Variants in DLG2 observed in about 807,000 individuals in gnomAD.
The protein encoded by DLG2 is discs large MAGUK scaffold protein 2, also known as disks large homolog 2.
Under a neutral mutation model 132.5 loss-of-function variants are expected in DLG2, and 45 were observed. The observed-to-expected ratio is 0.34, with a 90% CI of 0.27 to 0.44. The LOEUF (loss-of-function observed/expected upper bound fraction) is 0.44. DLG2 is among the 20% of genes least tolerant of loss of function. The pLI is 1.00. For synonymous variants in DLG2, 424 were observed against 419.6 expected (o/e 1.01, Z -0.13); for missense variants, 1,045 against 1,196.9 (o/e 0.87, Z 1.87).
intron 6 of DLG2, among the ~76,000 whole-genome samples, chr11:84,802,003 T>C (rs932871908): frequency 2.0e-5 from 3 of 152,144 alleles, no homozygotes; most frequent in African/African-American, 7.2e-5. Context: ...CTTTTTAAGT[T>C]TATAATGCTC....
chr11:83,609,248 T>C (rs959529130), intron 19 of DLG2, among the ~76,000 whole-genome samples: 1 of 152,236 alleles, frequency 6.6e-6, no homozygotes, highest in Non-Finnish European at 1.5e-5. Flanking sequence ...CTTTTAACCC[T>C]AGACATGCCC....
chr11:84,044,350 C>T lies in DLG2; in HGVS notation c.919+14965G>A, dbSNP rs139265906. 7.2e-5 allele frequency among the ~76,000 whole-genome samples: 11 copies of T among 151,902 alleles called. No individual in the cohort carries two copies. In the East Asian group the frequency reaches 1.9e-3, roughly 27 times the overall value. Reference sequence around the variant, plus strand: ...AGAGTTACTAAATTCTTTCATCCTGCTCATGATTGGGCAGCTCAATTGGAC... The same window carrying T: ...AGAGTTACTAAATTCTTTCATCCTGTTCATGATTGGGCAGCTCAATTGGAC... On this transcript the variant is annotated intron_variant, in intron 11 of 27. Coordinates refer to ENST00000376104, the MANE Select transcript of DLG2 (RefSeq NM_001142699.3).
chr11:84,089,246 C>A (rs2154167455), intron 10 of DLG2, among the ~76,000 whole-genome samples: 1 of 152,236 alleles, frequency 6.6e-6, no homozygotes, highest in African/African-American at 2.4e-5. Context: ...GAAGTTACTC[C>A]CTTTCCTCTG....
In DLG2 at chr11:84,025,651, G is replaced by A. The variant is rs77731739; in HGVS notation, c.919+33664C>T. 4.9e-3 allele frequency among the ~76,000 whole-genome samples: 744 copies of A among 152,078 alleles called. 3 individuals carry two copies. The highest frequency in any genetic ancestry group is 0.017 in the African/African-American group (725 of 41,484). Reference sequence around the variant, plus strand: ...TGGAAACCTTTTTCTCCAGTCACACGCCAGTTTACAACTCTGCTGGCTTGA... The same window carrying A: ...TGGAAACCTTTTTCTCCAGTCACACACCAGTTTACAACTCTGCTGGCTTGA... On this transcript the variant is annotated intron_variant, in intron 11 of 27. Coordinates refer to ENST00000376104, the MANE Select transcript of DLG2 (RefSeq NM_001142699.3).
At chr11:84,056,544 A>G (rs1183117454) in intron 11 of DLG2, among the ~76,000 whole-genome samples, 2 of 152,146 alleles carry the variant, frequency 1.3e-5, no homozygotes, top group Non-Finnish European at 2.9e-5. Flanking sequence ...CATCTCATTT[A>G]TCTTCACTCC....
rs2071647466 is a variant in DLG2 at position 85,105,855 on chromosome 11, G to A, written c.357+5806C>T. ...CATAGAAGCTCTGGAAACACCCAGA[G>A]AGCAGACACAACACTATTTTATAAC... On this transcript the variant is annotated intron_variant, in intron 6 of 27. Transcript: ENST00000376104. Among the ~76,000 whole-genome samples the A allele has an allele frequency of 2.0e-5, 3 of 152,014 alleles. No individual in the cohort carries two copies. The South Asian group carries it at 6.2e-4, about 31-fold the overall frequency.
In DLG2 at chr11:83,484,134, G is replaced by A. The variant is rs1399158015; in HGVS notation, c.2288C>T (p.Pro763Leu). The A allele has an allele frequency of 6.2e-7, 1 of 1,612,152 alleles. No homozygotes were observed. Among genetic ancestry groups the A allele is most frequent in the Non-Finnish European group, 8.5e-7 (1 of 1,178,576 alleles). Reference protein sequence around the residue: ...KEQSEQETSDPERGQEDLILS... With the variant: ...KEQSEQETSDLERGQEDLILS... ...ATCTTTCAGAATCTACTTACGTTCAGGATCACTGGTTTCCTGCTCACTCTG... is the reference window on the plus strand; with the variant it reads ...ATCTTTCAGAATCTACTTACGTTCAAGATCACTGGTTTCCTGCTCACTCTG... The change falls in exon 22 of 28, where the codon CCT becomes CTT. Residue 763 changes from proline (P) to leucine (L), a missense_variant. Coordinates refer to ENST00000376104, the MANE Select transcript of DLG2 (RefSeq NM_001142699.3).
intron 6 of DLG2, among the ~76,000 whole-genome samples, chr11:84,830,055 T>G (rs942212738): frequency 2.0e-5 from 3 of 151,676 alleles, no homozygotes; most frequent in Non-Finnish European, 4.4e-5. Context: ...TCATTATATA[T>G]AATATACAAA....
intron 6 of DLG2, among the ~76,000 whole-genome samples, chr11:85,068,369 T>C (rs899852723): frequency 6.6e-6 from 1 of 152,150 alleles, no homozygotes; most frequent in African/African-American, 2.4e-5. Flanking sequence ...GTGTCCCTGT[T>C]TGCAGATGAC....
intron 4 of DLG2, among the ~76,000 whole-genome samples, chr11:85,268,077 T>C (rs886612235): frequency 1.3e-5 from 2 of 152,200 alleles, no homozygotes; most frequent in Non-Finnish European, 2.9e-5. Context: ...TTATTTTATT[T>C]AACCTGACAA....
chr11:84,067,560 AC>A (rs2096697314), intron 10 of DLG2, among the ~76,000 whole-genome samples: 1 of 146,570 alleles, frequency 6.8e-6, no homozygotes, highest in Non-Finnish European at 1.5e-5. Flanking sequence ...CCCCCACCAC[AC>A]ACACACACAC....
chr11:84,000,002 T>C (rs941388697), intron 11 of DLG2, among the ~76,000 whole-genome samples: 10 of 150,830 alleles, frequency 6.6e-5, no homozygotes, highest in African/African-American at 2.4e-4. Flanking sequence ...ACACAATAAT[T>C]CTCTAGTAAC....
chr11:85,351,961 T>C lies in DLG2; in HGVS notation c.41-66596A>G, dbSNP rs1219312571. 2.6e-5 allele frequency among the ~76,000 whole-genome samples: 4 copies of C among 152,342 alleles called. No homozygotes were observed. The East Asian group carries it at 7.7e-4, about 29-fold the overall frequency. ...GGAGGATTCTCTCTTTTGCTATTGATTGGAATAGTTTCAGAAAGAATGGTA... is the reference window on the plus strand; with the variant it reads ...GGAGGATTCTCTCTTTTGCTATTGACTGGAATAGTTTCAGAAAGAATGGTA... On this transcript the variant is annotated intron_variant, in intron 3 of 27. Transcript: ENST00000376104.
chr11:85,411,686 A>G (rs1233317504), intron 3 of DLG2, among the ~76,000 whole-genome samples: 1 of 151,904 alleles, frequency 6.6e-6, no homozygotes, highest in African/African-American at 2.4e-5. Context: ...CTGTAAAATG[A>G]TAGATGATAC....
chr11:84,667,898 A>T (rs1298103280), intron 6 of DLG2, among the ~76,000 whole-genome samples: 1 of 152,136 alleles, frequency 6.6e-6, no homozygotes, highest in South Asian at 2.1e-4. Flanking sequence ...CAGACTAAAA[A>T]ATCAAAATAC....
chr11:83,697,107 G>A (rs1419688993), intron 18 of DLG2, among the ~76,000 whole-genome samples: 1 of 152,212 alleles, frequency 6.6e-6, no homozygotes, highest in Non-Finnish European at 1.5e-5. Flanking sequence ...AAAGAAATGA[G>A]TCAGTGTTTG....
chr11:85,570,109 T>A (rs1590885458), intron 3 of DLG2, among the ~76,000 whole-genome samples: 1 of 152,154 alleles, frequency 6.6e-6, no homozygotes, highest in African/African-American at 2.4e-5. Context: ...GCCTCCTGTA[T>A]CTAAAATAAA....
chr11:84,757,853 TG>T (rs1159481874), intron 6 of DLG2, among the ~76,000 whole-genome samples: 2 of 152,294 alleles, frequency 1.3e-5, no homozygotes, highest in East Asian at 1.9e-4. Context: ...CCGTGCAGCC[TG>T]GGGGAATCAC....
chr11:85,321,299 G>T (rs2081051096), intron 3 of DLG2, among the ~76,000 whole-genome samples: 1 of 151,852 alleles, frequency 6.6e-6, no homozygotes, highest in Non-Finnish European at 1.5e-5. Context: ...GAGTATCAAG[G>T]GCTTAGTATT....
Sources: gnomAD v4.1 joint callset for allele counts (sites outside exome capture counted in the v4.1 genomes callset) on GRCh38, gnomAD v4.1.1 for gene constraint, MANE v1.5 for transcripts, NCBI Gene and HGNC (gene_info 2026-07-23, HGNC 2026-07-21) for gene names.